The following TSNARE1 variants were observed in gnomAD, a reference collection of about 807,000 sequenced individuals.
TSNARE1 encodes t-SNARE domain containing 1.
A neutral mutation model predicts 62.0 loss-of-function variants in TSNARE1; 49 were observed. The ratio of observed to expected loss-of-function variants is 0.79; its 90% CI spans 0.63 to 1.00. The LOEUF (loss-of-function observed/expected upper bound fraction) is 1.00. Ranked by LOEUF, TSNARE1 falls within the 50% of genes least tolerant of loss-of-function variation. TSNARE1 has a pLI of 0.00. For missense variants in TSNARE1, 755 were observed against 700.1 expected (o/e 1.08, Z -0.88); for synonymous variants, 328 against 294.4 (o/e 1.11, Z -1.17).
intron 10 of TSNARE1, among the ~76,000 whole-genome samples, chr8:142,290,851 G>A (rs981299943): frequency 6.6e-6 from 1 of 152,196 alleles, no homozygotes; most frequent in African/African-American, 2.4e-5. Flanking sequence ...AGCAGGTGGC[G>A]TATTCTGAGC....
At chr8:142,283,827 C>G (rs1048421946) in intron 11 of TSNARE1, among the ~76,000 whole-genome samples, 1 of 132,478 alleles carries the variant, frequency 7.5e-6, no homozygotes, top group African/African-American at 2.8e-5. Context: ...GGGCCAGTGT[C>G]TGTCAATGAG....
chr8:142,243,275 G>A (rs1439537080), intron 12 of TSNARE1, among the ~76,000 whole-genome samples: 2 of 152,164 alleles, frequency 1.3e-5, no homozygotes, highest in South Asian at 2.1e-4. Flanking sequence ...AAATGAAACC[G>A]GTATGTCAAA....
At chr8:142,312,730 G>A (rs1280127025) in intron 9 of TSNARE1, among the ~76,000 whole-genome samples, 4 of 152,172 alleles carry the variant, frequency 2.6e-5, no homozygotes, top group Non-Finnish European at 5.9e-5. Flanking sequence ...AACGGACCGA[G>A]TGCTGCAATC....
At chr8:142,260,585 C>T (rs1300666945) in intron 12 of TSNARE1, among the ~76,000 whole-genome samples, 1 of 152,148 alleles carries the variant, frequency 6.6e-6, no homozygotes, top group Non-Finnish European at 1.5e-5. Context: ...AGCCTCACTT[C>T]TCAGAACCTT....
At chr8:142,231,145 C>T (rs1817097387) in intron 12 of TSNARE1, among the ~76,000 whole-genome samples, 1 of 152,226 alleles carries the variant, frequency 6.6e-6, no homozygotes, top group South Asian at 2.1e-4. Context: ...TCAGCTCCCT[C>T]AACTGTCTCA....
At chr8:142,251,259 A>C (rs1409198733) in intron 12 of TSNARE1, among the ~76,000 whole-genome samples, 3 of 120,092 alleles carry the variant, frequency 2.5e-5, no homozygotes, top group Non-Finnish European at 2.0e-5. Flanking sequence ...CCTGCCCCCC[A>C]TGCCACACAC....
At chr8:142,347,944 C>G (rs918736226) in intron 2 of TSNARE1, among the ~76,000 whole-genome samples, 1 of 152,214 alleles carries the variant, frequency 6.6e-6, no homozygotes, top group Non-Finnish European at 1.5e-5. Context: ...CCCACTGCAC[C>G]AACGTTATTC....
At chr8:142,400,903 C>A (rs1005722680) in intron 1 of TSNARE1, among the ~76,000 whole-genome samples, 1 of 152,204 alleles carries the variant, frequency 6.6e-6, no homozygotes, top group Non-Finnish European at 1.5e-5. Flanking sequence ...TGAGAGTAAA[C>A]TGAGTAATGA....
chr8:142,330,208 G>A (rs1239369474), intron 6 of TSNARE1, among the ~76,000 whole-genome samples: 1 of 152,224 alleles, frequency 6.6e-6, no homozygotes, highest in East Asian at 1.9e-4. Flanking sequence ...GCCAGCTGGA[G>A]GGGAAAAGTA....
chr8:142,327,365 G>C (rs1011862229), intron 6 of TSNARE1, among the ~76,000 whole-genome samples: 1 of 152,040 alleles, frequency 6.6e-6, no homozygotes, highest in Non-Finnish European at 1.5e-5. Flanking sequence ...AGTGGGAGAG[G>C]GGCACAGCTC....
intron 4 of TSNARE1, among the ~76,000 whole-genome samples, chr8:142,336,920 CAG>C (rs1831835439): frequency 6.6e-6 from 1 of 151,734 alleles, no homozygotes; most frequent in Non-Finnish European, 1.5e-5. Context: ...TCATGTGTAA[CAG>C]AAGAAATCAA....
chr8:142,394,540 G>GC (rs1455657945), intron 1 of TSNARE1, among the ~76,000 whole-genome samples: 1 of 152,190 alleles, frequency 6.6e-6, no homozygotes, highest in Non-Finnish European at 1.5e-5. Flanking sequence ...ACCTGGAAGT[G>GC]CCCCACAGTC....
intron 6 of TSNARE1, among the ~76,000 whole-genome samples, chr8:142,329,167 G>A (rs1271357250): frequency 6.6e-6 from 1 of 152,242 alleles, no homozygotes; most frequent in Non-Finnish European, 1.5e-5. Context: ...AGGGGCCACA[G>A]AAGGCTCTAG....
intron 12 of TSNARE1, among the ~76,000 whole-genome samples, chr8:142,242,946 T>TTAA (rs1817731149): frequency 3.6e-5 from 1 of 27,540 alleles, no homozygotes; most frequent in African/African-American, 2.5e-4. Flanking sequence ...AAACTCTGTC[T>TTAA]CAAAAAAAAA....
At chr8:142,273,482 A>G in intron 12 of TSNARE1, 2 of 985,404 alleles carry the variant, frequency 2.0e-6, no homozygotes, top group Non-Finnish European at 2.4e-6. Context: ...AACAGCCCAG[A>G]GCTGGCGCCA....
chr8:142,330,088 C>T, intron 6 of TSNARE1, among the ~76,000 whole-genome samples: 1 of 152,246 alleles, frequency 6.6e-6, no homozygotes, highest in East Asian at 1.9e-4. Flanking sequence ...GACAACGTCC[C>T]AGTGCAGTGG....
chr8:142,262,782 C>A (rs1005160321), intron 12 of TSNARE1, among the ~76,000 whole-genome samples: 14 of 152,182 alleles, frequency 9.2e-5, no homozygotes, highest in African/African-American at 3.4e-4. Flanking sequence ...AAGCAGAAGC[C>A]GCTATGCTTC....
chr8:142,283,703 C>G (rs867778800), intron 11 of TSNARE1, among the ~76,000 whole-genome samples: 4 of 147,530 alleles, frequency 2.7e-5, no homozygotes, highest in African/African-American at 1.0e-4. Flanking sequence ...TGAGCAGAGG[C>G]GGGGCCAGTG....
At chr8:142,301,176 T>A (rs554699425) in intron 9 of TSNARE1, among the ~76,000 whole-genome samples, 1 of 133,154 alleles carries the variant, frequency 7.5e-6, no homozygotes, top group East Asian at 2.4e-4. Context: ...GCCCTGCCCA[T>A]GCCAGCGGGC....
Sources: allele counts gnomAD v4.1 joint callset (sites outside exome capture counted in the v4.1 genomes callset), GRCh38; gene constraint gnomAD v4.1.1; transcripts MANE v1.5; gene names NCBI Gene and HGNC (gene_info 2026-07-23, HGNC 2026-07-21).